The following ACER1 variants were observed in gnomAD, a reference collection of about 807,000 sequenced individuals.
The protein encoded by ACER1 is alkaline ceramidase 1, also known as CTB-180A7.3.
Under a neutral mutation model 24.9 loss-of-function variants are expected in ACER1, and 28 were observed. The ratio of observed to expected loss-of-function variants is 1.13; its 90% CI spans 0.83 to 1.54. The LOEUF (loss-of-function observed/expected upper bound fraction) is 1.54. Ranked by LOEUF, ACER1 falls within the 40% of genes most tolerant of loss-of-function variation. The pLI, the probability that ACER1 is intolerant of heterozygous loss-of-function variation, is 0.00. For missense variants in ACER1, 352 were observed against 349.3 expected, an observed-to-expected ratio of 1.01 and a Z score of -0.06; for synonymous variants, 132 against 131.4, an observed-to-expected ratio of 1.00 and a Z score of -0.03.
the ACER1 span, among the ~76,000 whole-genome samples, chr19:6,356,143 C>T: frequency 6.6e-6 from 1 of 150,984 alleles, no homozygotes; most frequent in Non-Finnish European, 1.5e-5. Flanking sequence ...ATTCTTCTGC[C>T]TTGGGATCCT....
the ACER1 span, among the ~76,000 whole-genome samples, chr19:6,349,160 G>GGAA: frequency 5.3e-5 from 8 of 149,814 alleles, no homozygotes; most frequent in East Asian, 7.9e-4. Flanking sequence ...GAAGGAAGAA[G>GGAA]GAAGAAGAAG....
At chr19:6,355,835 C>T in the ACER1 span, among the ~76,000 whole-genome samples, 9 of 146,898 alleles carry the variant, frequency 6.1e-5, no homozygotes, top group Non-Finnish European at 1.2e-4. Flanking sequence ...CCGCTCCATC[C>T]GGGAGGGAGG....
At chr19:6,335,866 T>C (rs1348912356), upstream of ACER1, among the ~76,000 whole-genome samples, 1 of 151,546 alleles carries the variant, frequency 6.6e-6, no homozygotes, top group Non-Finnish European at 1.5e-5. Context: ...CCAGGAACTA[T>C]TGTTATCCCT....
upstream of ACER1, among the ~76,000 whole-genome samples, chr19:6,338,081 CA>C (rs199592493): frequency 8.9e-5 from 13 of 145,258 alleles, no homozygotes; most frequent in African/African-American, 2.3e-4. Context: ...AACCCTGTCT[CA>C]AAAAAAAATA....
intron 1 of ACER1, among the ~76,000 whole-genome samples, chr19:6,314,034 A>G (rs917886860): frequency 2.0e-5 from 3 of 152,182 alleles, no homozygotes; most frequent in African/African-American, 7.2e-5. Flanking sequence ...TGGGAGGCTG[A>G]GGCAGGTAGA....
At chr19:6,318,260 G>A (rs1229055797) in intron 1 of ACER1, among the ~76,000 whole-genome samples, 6 of 152,010 alleles carry the variant, frequency 3.9e-5, no homozygotes, top group East Asian at 1.9e-4. Flanking sequence ...ACCTGAAGTC[G>A]GGAGTTCGAG....
At chr19:6,345,425 T>C in the ACER1 span, among the ~76,000 whole-genome samples, 918 of 152,258 alleles carry the variant, frequency 6.0e-3, 4 homozygotes, top group South Asian at 0.021. Flanking sequence ...TCTATTAGTA[T>C]TACACTGTAA....
intron 1 of ACER1, among the ~76,000 whole-genome samples, chr19:6,321,306 T>C (rs2091629620): frequency 6.6e-6 from 1 of 151,994 alleles, no homozygotes; most frequent in Non-Finnish European, 1.5e-5. Flanking sequence ...TGTCTATTTA[T>C]TTATTTGTAT....
intron 4 of ACER1, among the ~76,000 whole-genome samples, chr19:6,309,339 C>T (rs747141621): frequency 1.1e-4 from 17 of 151,946 alleles, no homozygotes; most frequent in Non-Finnish European, 1.9e-4. Context: ...GGCAACATGA[C>T]GAAACCCTGT....
At chr19:6,342,433 T>G in the ACER1 span, among the ~76,000 whole-genome samples, 2 of 151,826 alleles carry the variant, frequency 1.3e-5, no homozygotes, top group South Asian at 2.1e-4. Flanking sequence ...AAACAAACTA[T>G]TTCAGACCGG....
the ACER1 span, among the ~76,000 whole-genome samples, chr19:6,345,828 G>C: frequency 6.6e-5 from 10 of 151,774 alleles, no homozygotes; most frequent in Admixed American, 6.6e-5. Context: ...GCCTCCCAAA[G>C]TGCTGGGATG....
At chr19:6,360,150 C>T in the ACER1 span, 1 of 152,176 alleles carries the variant, frequency 6.6e-6, no homozygotes, top group South Asian at 2.1e-4. Flanking sequence ...CCTGCAAAGC[C>T]CAATTCCAAT....
chr19:6,321,048 A>G (rs2091628168), intron 1 of ACER1, among the ~76,000 whole-genome samples: 2 of 151,656 alleles, frequency 1.3e-5, no homozygotes, highest in South Asian at 4.1e-4. Flanking sequence ...ATACTATAAA[A>G]TTCACTCTTT....
At chr19:6,313,723 A>G (rs1054762082) in intron 1 of ACER1, among the ~76,000 whole-genome samples, 7 of 152,244 alleles carry the variant, frequency 4.6e-5, no homozygotes, top group Admixed American at 3.9e-4. Context: ...GACAAACAGC[A>G]TGAAGCAGAA....
intron 1 of ACER1, among the ~76,000 whole-genome samples, chr19:6,316,677 G>A (rs375738028): frequency 1.2e-4 from 18 of 151,582 alleles, no homozygotes; most frequent in African/African-American, 3.1e-4. Context: ...AAAATTAGCC[G>A]AGCATGGTGG....
the ACER1 span, among the ~76,000 whole-genome samples, chr19:6,339,005 T>C: frequency 2.0e-5 from 3 of 151,830 alleles, no homozygotes; most frequent in East Asian, 1.9e-4. Flanking sequence ...AGCCTCCCGA[T>C]AGCTGGGATT....
At chr19:6,327,551 C>T (rs957545894) in intron 1 of ACER1, among the ~76,000 whole-genome samples, 8 of 150,050 alleles carry the variant, frequency 5.3e-5, no homozygotes, top group Non-Finnish European at 7.4e-5. Flanking sequence ...GGCGGCAGAG[C>T]GAGACTCCGT....
At chr19:6,334,163 G>A (rs548998194), upstream of ACER1, among the ~76,000 whole-genome samples, 3 of 151,840 alleles carry the variant, frequency 2.0e-5, no homozygotes, top group Non-Finnish European at 4.4e-5. Context: ...TCCCGCCTCA[G>A]CCTCCCGAGT....
the ACER1 span, among the ~76,000 whole-genome samples, chr19:6,352,083 T>C: frequency 1.3e-5 from 2 of 151,672 alleles, no homozygotes; most frequent in Non-Finnish European, 2.9e-5. Flanking sequence ...ATTCAAGCCA[T>C]TTAAGTAGTC....
Sources: allele counts gnomAD v4.1 joint callset (sites outside exome capture counted in the v4.1 genomes callset), GRCh38; gene constraint gnomAD v4.1.1; transcripts MANE v1.5; gene names NCBI Gene and HGNC (gene_info 2026-07-23, HGNC 2026-07-21).